ULK4: variants seen among roughly 807,000 people sequenced by gnomAD.
ULK4 encodes inactive serine/threonine-protein kinase ULK4.
Under a neutral mutation model 160.6 loss-of-function variants are expected in ULK4, and 133 were observed. That is an observed-to-expected ratio of 0.83 (90% confidence interval 0.72 to 0.96). ULK4 has a LOEUF of 0.96. Ranked by LOEUF, ULK4 falls within the 40% of genes least tolerant of loss-of-function variation. The pLI, the probability that ULK4 is intolerant of heterozygous loss-of-function variation, is 0.00. For synonymous variants in ULK4, 534 were observed against 539.8 expected, an observed-to-expected ratio of 0.99 and a Z score of 0.15; for missense variants, 1,580 against 1,499.5, an observed-to-expected ratio of 1.05 and a Z score of -0.89.
At position 41,435,651 on chromosome 3, in the gene ULK4, TAAG is replaced by T. The variant is rs1406610269; in HGVS notation, c.3492+19843_3492+19845del. 2.6e-5 allele frequency among the ~76,000 whole-genome samples: 4 copies of T among 152,274 alleles called. No homozygotes were observed. The East Asian group carries it at 7.7e-4, about 29-fold the overall frequency. ...GGAAAATGCATGTAACCAACTACCTTAAGAATACAGACAGGCTGGGTGCAGTGG... is the reference window on the plus strand; with the variant it reads ...GGAAAATGCATGTAACCAACTACCTTAATACAGACAGGCTGGGTGCAGTGG... On this transcript the variant is annotated intron_variant, in intron 34 of 36. Transcript: ENST00000301831.
chr3:41,271,118 T>C (rs2079129893), intron 35 of ULK4, among the ~76,000 whole-genome samples: 1 of 152,204 alleles, frequency 6.6e-6, no homozygotes, highest in Admixed American at 6.5e-5. Context: ...TTTGCTAAGT[T>C]TGGATATACG....
At chr3:41,689,936 A>G (rs2036230055) in intron 27 of ULK4, among the ~76,000 whole-genome samples, 2 of 149,034 alleles carry the variant, frequency 1.3e-5, no homozygotes, top group African/African-American at 2.6e-5. Context: ...CCATCCCATT[A>G]CTGGGTATAT....
At chr3:41,536,879 CT>C (rs1426934043) in intron 32 of ULK4, among the ~76,000 whole-genome samples, 2 of 151,994 alleles carry the variant, frequency 1.3e-5, no homozygotes, top group Non-Finnish European at 2.9e-5. Context: ...TTTTTCATTT[CT>C]CTAAAAATGT....
intron 1 of ULK4, among the ~76,000 whole-genome samples, chr3:41,957,448 C>CA (rs11455719): frequency 0.019 from 1,830 of 97,226 alleles, 95 homozygotes; most frequent in African/African-American, 0.07. Flanking sequence ...GAGCACCACT[C>CA]AAAAAAAAAA....
At chr3:41,912,099 G>A (rs577826896) in intron 9 of ULK4, among the ~76,000 whole-genome samples, 14 of 151,248 alleles carry the variant, frequency 9.3e-5, no homozygotes, top group Middle Eastern at 3.4e-3. Flanking sequence ...AGGCCACAGC[G>A]GGCAAATCGC....
At chr3:41,624,584 A>G (rs1001728401) in intron 30 of ULK4, among the ~76,000 whole-genome samples, 10 of 152,208 alleles carry the variant, frequency 6.6e-5, no homozygotes, top group Non-Finnish European at 1.3e-4. Flanking sequence ...CATTCTTCTG[A>G]ATACAATATA....
At chr3:41,483,033 A>T (rs1444914567) in intron 32 of ULK4, among the ~76,000 whole-genome samples, 1 of 152,182 alleles carries the variant, frequency 6.6e-6, no homozygotes, top group Non-Finnish European at 1.5e-5. Flanking sequence ...TTATACTCTT[A>T]GTTCTTTTTA....
chr3:41,904,830 G>A (rs1278311685), intron 12 of ULK4, among the ~76,000 whole-genome samples: 1 of 152,192 alleles, frequency 6.6e-6, no homozygotes, highest in Non-Finnish European at 1.5e-5. Context: ...ACACAACTAT[G>A]ATTGAAAGAA....
At chr3:41,878,317 G>C (rs1697385074) in intron 17 of ULK4, among the ~76,000 whole-genome samples, 1 of 152,130 alleles carries the variant, frequency 6.6e-6, no homozygotes, top group African/African-American at 2.4e-5. Flanking sequence ...GGATGGAGAT[G>C]AAACAATGTA....
intron 32 of ULK4, among the ~76,000 whole-genome samples, chr3:41,473,479 T>C (rs1479527225): frequency 6.6e-6 from 1 of 151,918 alleles, no homozygotes; most frequent in Middle Eastern, 3.4e-3. Flanking sequence ...CTGGCCAACA[T>C]GGTGAAATCC....
At chr3:41,610,975 C>T (rs1467811142) in intron 31 of ULK4, among the ~76,000 whole-genome samples, 1 of 152,182 alleles carries the variant, frequency 6.6e-6, no homozygotes, top group Non-Finnish European at 1.5e-5. Context: ...AAGGCTGATA[C>T]ATCCAAATTC....
At chr3:41,935,377 C>A (rs1005637647) in intron 4 of ULK4, among the ~76,000 whole-genome samples, 8 of 152,068 alleles carry the variant, frequency 5.3e-5, no homozygotes, top group African/African-American at 1.7e-4. Context: ...CAGGAGCGCA[C>A]CACCACGCCC....
chr3:41,715,771 T>C (rs1307464808), intron 23 of ULK4, among the ~76,000 whole-genome samples: 1 of 152,100 alleles, frequency 6.6e-6, no homozygotes, highest in African/African-American at 2.4e-5. Flanking sequence ...GCAAAGACAC[T>C]ATAAATAAAC....
intron 30 of ULK4, among the ~76,000 whole-genome samples, chr3:41,658,280 G>T (rs977820903): frequency 6.6e-6 from 1 of 152,206 alleles, no homozygotes; most frequent in Non-Finnish European, 1.5e-5. Flanking sequence ...ACATTTAACA[G>T]ATGGGGAGCG....
chr3:41,618,950 GA>G (rs577395083), intron 30 of ULK4, among the ~76,000 whole-genome samples: 12 of 142,172 alleles, frequency 8.4e-5, no homozygotes, highest in South Asian at 4.5e-4. Context: ...CAAATGAAAA[GA>G]AAAAAAAAAG....
chr3:41,756,665 G>C lies in ULK4; in HGVS notation c.2194-2177C>G, dbSNP rs545066700. Among the ~76,000 whole-genome samples, 10 of 152,176 alleles carry C rather than the reference G, an allele frequency of 6.6e-5. No homozygotes were observed. In the East Asian group the frequency reaches 1.9e-3, roughly 29 times the overall value. On this transcript the variant is annotated intron_variant, in intron 21 of 36. Transcript: ENST00000301831. ...GTCAGAGGCCCCCAGAGAAAACTCA[G>C]GAGAAAAAACTGACAGATTATACGA... is the stretch of plus-strand genomic sequence containing the variant.
At chr3:41,656,244 T>C (rs1225078020) in intron 30 of ULK4, among the ~76,000 whole-genome samples, 2 of 152,112 alleles carry the variant, frequency 1.3e-5, no homozygotes, top group Non-Finnish European at 2.9e-5. Flanking sequence ...AAGGAACACT[T>C]ATACAACATT....
At chr3:41,559,257 T>C (rs1158750659) in intron 32 of ULK4, among the ~76,000 whole-genome samples, 1 of 121,438 alleles carries the variant, frequency 8.2e-6, no homozygotes, top group African/African-American at 2.6e-5. Flanking sequence ...GTGCCACATT[T>C]TCTTAATCCA....
intron 34 of ULK4, among the ~76,000 whole-genome samples, chr3:41,431,547 C>CCCTTT (rs563543377): frequency 1.0e-5 from 1 of 95,854 alleles, no homozygotes; most frequent in Non-Finnish European, 2.0e-5. Context: ...AATTCCCTCC[C>CCCTTT]TTTTTTTTTT....
Sources: allele counts gnomAD v4.1 joint callset (sites outside exome capture counted in the v4.1 genomes callset), GRCh38; gene constraint gnomAD v4.1.1; transcripts MANE v1.5; gene names NCBI Gene and HGNC (gene_info 2026-07-23, HGNC 2026-07-21).